The following PTPRD variants were observed in gnomAD, a reference collection of about 807,000 sequenced individuals.
The protein encoded by PTPRD is protein tyrosine phosphatase receptor type D.
In PTPRD, 34 loss-of-function variants were observed where a neutral mutation model predicts 214.5. The ratio of observed to expected loss-of-function variants is 0.16; its 90% confidence interval spans 0.12 to 0.21. The LOEUF is 0.21. PTPRD is among the 10% of genes least tolerant of loss of function. The probability of loss-of-function intolerance (pLI) is 1.00; values close to 1 mark genes in which losing one functional copy is unlikely to be tolerated. For synonymous variants in PTPRD, 1,128 were observed against 845.7 expected, an observed-to-expected ratio of 1.33 and a Z score of -5.79; for missense variants, 2,545 against 2,398.7, an observed-to-expected ratio of 1.06 and a Z score of -1.27.
At chr9:8,414,814 C>T (rs1029677488) in intron 35 of PTPRD, among the ~76,000 whole-genome samples, 62 of 146,584 alleles carry the variant, frequency 4.2e-4, no homozygotes, top group African/African-American at 1.4e-3. Context: ...ATGACAGTGT[C>T]ATAACCATCA....
chr9:8,348,261 T>C (rs949406790), intron 39 of PTPRD, among the ~76,000 whole-genome samples: 2 of 152,174 alleles, frequency 1.3e-5, no homozygotes, highest in African/African-American at 4.8e-5. Flanking sequence ...CTTTCTGACA[T>C]GGCTCATCTA....
chr9:8,608,512 G>T (rs1383184152), intron 14 of PTPRD, among the ~76,000 whole-genome samples: 1 of 152,090 alleles, frequency 6.6e-6, no homozygotes, highest in African/African-American at 2.4e-5. Flanking sequence ...TATTCCAAGA[G>T]AGTCACTTAG....
At chr9:9,975,262 C>G (rs1483826079) in intron 4 of PTPRD, among the ~76,000 whole-genome samples, 1 of 152,180 alleles carries the variant, frequency 6.6e-6, no homozygotes, top group Admixed American at 6.5e-5. Flanking sequence ...CCCAGATAAG[C>G]TTTAAGACAA....
Position 9,802,799 on chromosome 9 carries a change from C to T in PTPRD, c.-367-35948G>A, listed in dbSNP as rs112021474. Among the ~76,000 whole-genome samples, 220 of 151,824 alleles carry T rather than the reference C, an allele frequency of 1.4e-3. 1 individual carries two copies. Among genetic ancestry groups the T allele is most frequent in the African/African-American group, 5.2e-3 (214 of 41,512 alleles). ...ACTTCTAACACATGCTGGCAACCTCCCCCTCCCTCAGAAAAAAATTCTAAT... is the reference window on the plus strand; with the variant it reads ...ACTTCTAACACATGCTGGCAACCTCTCCCTCCCTCAGAAAAAAATTCTAAT... On this transcript the variant is annotated intron_variant, in intron 5 of 45. Coordinates refer to ENST00000381196, the MANE Select transcript of PTPRD (RefSeq NM_002839.4).
intron 9 of PTPRD, among the ~76,000 whole-genome samples, chr9:9,374,481 C>G (rs1316180807): frequency 2.6e-5 from 4 of 151,862 alleles, no homozygotes; most frequent in African/African-American, 9.7e-5. Flanking sequence ...TTAACTATAA[C>G]ATAAAGTAAA....
chr9:9,656,248 G>A (rs1188531227), intron 7 of PTPRD, among the ~76,000 whole-genome samples: 1 of 151,970 alleles, frequency 6.6e-6, no homozygotes, highest in Non-Finnish European at 1.5e-5. Flanking sequence ...CCTACCATAC[G>A]TTCACATTCT....
intron 7 of PTPRD, among the ~76,000 whole-genome samples, chr9:9,638,123 A>G (rs539931362): frequency 9.7e-4 from 148 of 152,296 alleles, no homozygotes; most frequent in African/African-American, 3.5e-3. Flanking sequence ...TAATATCCAT[A>G]TCAAACCTGT....
intron 35 of PTPRD, among the ~76,000 whole-genome samples, chr9:8,413,574 C>A (rs1449723697): frequency 2.0e-5 from 3 of 151,996 alleles, no homozygotes; most frequent in Non-Finnish European, 4.4e-5. Flanking sequence ...GTATATATAC[C>A]AACAACCCCT....
At chr9:10,202,100 G>A (rs2099428501) in intron 3 of PTPRD, among the ~76,000 whole-genome samples, 1 of 152,066 alleles carries the variant, frequency 6.6e-6, no homozygotes, top group Admixed American at 6.6e-5. Context: ...AGAAAGAGAA[G>A]CTCAATGAAG....
At chr9:8,628,501 C>G (rs1486116344) in intron 14 of PTPRD, among the ~76,000 whole-genome samples, 1 of 151,440 alleles carries the variant, frequency 6.6e-6, no homozygotes, top group African/African-American at 2.4e-5. Flanking sequence ...TTTTTTCCAT[C>G]TTGCAAGAAC....
At chr9:9,866,229 T>A (rs1565875313) in intron 5 of PTPRD, among the ~76,000 whole-genome samples, 1 of 152,258 alleles carries the variant, frequency 6.6e-6, no homozygotes, top group Non-Finnish European at 1.5e-5. Context: ...TAGAATCTGC[T>A]ATATATGTCA....
chr9:9,164,420 A>T (rs970352057), intron 10 of PTPRD, among the ~76,000 whole-genome samples: 1 of 152,082 alleles, frequency 6.6e-6, no homozygotes, highest in Non-Finnish European at 1.5e-5. Context: ...CACCTAGGTA[A>T]TCCAAGGTAC....
At chr9:8,792,313 A>C (rs954857095) in intron 11 of PTPRD, among the ~76,000 whole-genome samples, 1 of 152,230 alleles carries the variant, frequency 6.6e-6, no homozygotes, top group Non-Finnish European at 1.5e-5. Flanking sequence ...ACTGAAAGTC[A>C]TCCATAGGGG....
intron 5 of PTPRD, among the ~76,000 whole-genome samples, chr9:9,909,726 G>A (rs10759101): frequency 0.28 from 42,603 of 151,382 alleles, 6,508 homozygotes; most frequent in African/African-American, 0.38. Flanking sequence ...TGACTAAGTT[G>A]ACTTCAACAT....
chr9:10,574,639 G>C (rs2068580781), intron 2 of PTPRD, among the ~76,000 whole-genome samples: 1 of 151,834 alleles, frequency 6.6e-6, no homozygotes, highest in Non-Finnish European at 1.5e-5. Flanking sequence ...GCTTACACAG[G>C]AAGTTTTCAT....
At position 10,095,439 on chromosome 9, in the gene PTPRD, T is replaced by G. The variant is rs539978507; in HGVS notation, c.-544-61649A>C. On this transcript the variant is annotated intron_variant, in intron 3 of 45. Coordinates refer to ENST00000381196, the MANE Select transcript of PTPRD (RefSeq NM_002839.4). ...TGCATGTCATCTCTGATACTGACAATGCAACATTACAGAAAATAGATCAGC... is the reference window on the plus strand; with the variant it reads ...TGCATGTCATCTCTGATACTGACAAGGCAACATTACAGAAAATAGATCAGC... Among the ~76,000 whole-genome samples, 10 of 151,626 alleles carry G rather than the reference T, an allele frequency of 6.6e-5. 1 individual carries two copies. The highest frequency in any genetic ancestry group is 1.9e-4 in the African/African-American group (8 of 41,484).
intron 4 of PTPRD, among the ~76,000 whole-genome samples, chr9:9,973,047 G>C (rs2095200439): frequency 6.6e-6 from 1 of 151,942 alleles, no homozygotes; most frequent in Non-Finnish European, 1.5e-5. Flanking sequence ...AACTGATATT[G>C]GAAAGTAAAT....
intron 11 of PTPRD, among the ~76,000 whole-genome samples, chr9:8,994,932 G>A (rs1485299777): frequency 2.0e-5 from 3 of 151,882 alleles, no homozygotes; most frequent in Non-Finnish European, 4.4e-5. Flanking sequence ...TGCAACATTT[G>A]GGGAAAAATG....
chr9:8,324,969 T>TTAAG (rs1461201381), intron 44 of PTPRD, among the ~76,000 whole-genome samples: 3 of 152,076 alleles, frequency 2.0e-5, no homozygotes, highest in African/African-American at 7.3e-5. Flanking sequence ...GTAAATTTGT[T>TTAAG]TAAGTTCTTT....
Sources: gnomAD v4.1 joint callset for allele counts (sites outside exome capture counted in the v4.1 genomes callset) on GRCh38, gnomAD v4.1.1 for gene constraint, MANE v1.5 for transcripts, NCBI Gene and HGNC (gene_info 2026-07-23, HGNC 2026-07-21) for gene names.